The following ANGPT2 variants were observed in gnomAD, a reference collection of about 807,000 sequenced individuals.
ANGPT2 encodes angiopoietin-2.
A neutral mutation model predicts 62.9 loss-of-function variants in ANGPT2; 28 were observed. The ratio of observed to expected loss-of-function variants is 0.44; its 90% CI spans 0.33 to 0.61. ANGPT2 has a LOEUF of 0.61. ANGPT2 is among the 20% of genes least tolerant of loss of function. ANGPT2 has a pLI of 0.03. For synonymous variants in ANGPT2, 284 were observed against 207.8 expected, an observed-to-expected ratio of 1.37 and a Z score of -3.15; for missense variants, 727 against 594.9, an observed-to-expected ratio of 1.22 and a Z score of -2.31.
At chr8:6,516,996 A>T (rs1816386432) in intron 5 of ANGPT2, among the ~76,000 whole-genome samples, 1 of 152,230 alleles carries the variant, frequency 6.6e-6, no homozygotes, top group African/African-American at 2.4e-5. Context: ...TTAGTACTTC[A>T]TCCAGGTTTT....
At position 6,545,086 on chromosome 8, in the gene ANGPT2, G is replaced by C. The variant is rs1024544769; in HGVS notation, c.289-12599C>G. 3.3e-5 allele frequency among the ~76,000 whole-genome samples: 5 copies of C among 152,102 alleles called. No homozygotes were observed. In the East Asian group the frequency reaches 9.6e-4, roughly 29 times the overall value. On this transcript the variant is annotated intron_variant, in intron 1 of 8. Coordinates refer to ENST00000629816, the MANE Select transcript of ANGPT2 (RefSeq NM_001118887.2). ...TTGGGTCACAGAAGCCACACCCTAG[G>C]AGTGCTTACTAGATGATCCATTTCC... is the stretch of plus-strand genomic sequence containing the variant.
intron 3 of ANGPT2, among the ~76,000 whole-genome samples, chr8:6,525,795 A>C (rs961984824): frequency 2.6e-5 from 4 of 152,212 alleles, no homozygotes; most frequent in Non-Finnish European, 5.9e-5. Flanking sequence ...ATCTGTGACA[A>C]AAAAATACGA....
chr8:6,549,771 T>G (rs1427694246), intron 1 of ANGPT2, among the ~76,000 whole-genome samples: 1 of 152,118 alleles, frequency 6.6e-6, no homozygotes, highest in Non-Finnish European at 1.5e-5. Flanking sequence ...CAGCAAGTCC[T>G]CTATATCTTG....
chr8:6,555,834 T>C (rs1824516519), intron 1 of ANGPT2, among the ~76,000 whole-genome samples: 1 of 152,252 alleles, frequency 6.6e-6, no homozygotes, highest in South Asian at 2.1e-4. Flanking sequence ...CCAATTCTAT[T>C]ACAAGGTGGA....
intron 1 of ANGPT2, among the ~76,000 whole-genome samples, chr8:6,549,738 G>C (rs1014941275): frequency 6.6e-6 from 1 of 152,156 alleles, no homozygotes; most frequent in Non-Finnish European, 1.5e-5. Flanking sequence ...ATGAGGAGGG[G>C]CGTGAGGGAG....
chr8:6,526,257 TAAAAAAAAAAAAA>T (rs35519559), intron 3 of ANGPT2, among the ~76,000 whole-genome samples: 5 of 77,502 alleles, frequency 6.5e-5, no homozygotes, highest in African/African-American at 8.5e-5. Flanking sequence ...TTGCCTCTAC[TAAAAAAAAAAAAA>T]AAAAAAAAAA....
intron 1 of ANGPT2, among the ~76,000 whole-genome samples, chr8:6,537,696 A>G (rs1820763596): frequency 6.6e-6 from 1 of 152,134 alleles, no homozygotes; most frequent in Admixed American, 6.5e-5. Context: ...GATTGATTAC[A>G]CATTTAAAAG....
At chr8:6,554,462 C>G (rs899758925) in intron 1 of ANGPT2, among the ~76,000 whole-genome samples, 1 of 152,056 alleles carries the variant, frequency 6.6e-6, no homozygotes, top group African/African-American at 2.4e-5. Flanking sequence ...TAATCCATTT[C>G]CCAAGATTTC....
chr8:6,543,534 C>G (rs887217358), intron 1 of ANGPT2, among the ~76,000 whole-genome samples: 4 of 152,158 alleles, frequency 2.6e-5, no homozygotes, highest in Admixed American at 2.0e-4. Context: ...CGGAATAAAC[C>G]CGCCCAAACC....
chr8:6,502,942 A>C lies in ANGPT2; in HGVS notation c.*159T>G. On this transcript the variant is annotated 3_prime_UTR_variant, in exon 9 of 9. Coordinates refer to ENST00000629816, the MANE Select transcript of ANGPT2 (RefSeq NM_001118887.2). ...TTAAGTGATGCAAGTTTAAGTGATA[A>C]AGTTTACAGGCTCTAATCTGGAGCA... 1.3e-6 allele frequency: 1 copy of C among 775,776 alleles called. No individual in the cohort carries two copies. Among genetic ancestry groups the C allele is most frequent in the Non-Finnish European group, 2.0e-6 (1 of 491,132 alleles). The allele number at this position is 775,776 out of a possible 1,614,324, so 48.1% of individuals were successfully genotyped here.
At chr8:6,529,861 A>T (rs1819118408) in intron 2 of ANGPT2, among the ~76,000 whole-genome samples, 1 of 145,752 alleles carries the variant, frequency 6.9e-6, no homozygotes, top group African/African-American at 2.5e-5. Context: ...GGATAACATG[A>T]TATCTAGTTT....
chr8:6,560,355 C>G (rs921291), intron 1 of ANGPT2, among the ~76,000 whole-genome samples: 2 of 152,006 alleles, frequency 1.3e-5, no homozygotes, highest in African/African-American at 4.8e-5. Flanking sequence ...TGGCTTATCT[C>G]TCATTCCATT....
Position 6,532,400 on chromosome 8 carries a change from C to G in ANGPT2, c.376G>C (p.Glu126Gln), listed in dbSNP as rs200695891. 1.2e-6 allele frequency: 2 copies of G among 1,614,144 alleles called. No individual in the cohort carries two copies. The highest frequency in any genetic ancestry group is 1.1e-5 in the South Asian group (1 of 91,072). ...AVQNQTAVMI[E>Q]IGTNLLNQTA... ...TGGTTCAACAGGTTTGTCCCTATTT[C>G]TATCATCACAGCCGTCTGGTTCTGT... The change falls in exon 2 of 9, where the codon GAA becomes CAA. Residue 126 changes from glutamate to glutamine, a missense_variant. Coordinates refer to ENST00000629816, the MANE Select transcript of ANGPT2 (RefSeq NM_001118887.2).
At chr8:6,542,141 G>A (rs538894834) in intron 1 of ANGPT2, among the ~76,000 whole-genome samples, 16 of 152,206 alleles carry the variant, frequency 1.1e-4, no homozygotes, top group African/African-American at 2.9e-4. Flanking sequence ...AAACTAGAGC[G>A]TTCTTGCCTT....
At chr8:6,506,172 G>T (rs888623792) in intron 8 of ANGPT2, among the ~76,000 whole-genome samples, 2 of 151,700 alleles carry the variant, frequency 1.3e-5, no homozygotes, top group African/African-American at 4.8e-5. Context: ...AAGTTTGCGT[G>T]TTCTATTCAG....
chr8:6,562,810 C>T lies in ANGPT2; in HGVS notation c.125G>A (p.Ser42Asn). ...CATCTCTGGCAGGAGGAAAGTGTAG[C>T]TGCAGGACCCATGCTGGACCTGATA... ...KQYQVQHGSC[S>N]YTFLLPEMDN... The change falls in exon 1 of 9, where the codon AGC becomes AAC. Residue 42 changes from serine (S) to asparagine (N), a missense_variant. Coordinates refer to ENST00000629816, the MANE Select transcript of ANGPT2 (RefSeq NM_001118887.2). The T allele has an allele frequency of 1.2e-6, 2 of 1,613,548 alleles. No individual in the cohort carries two copies. Among genetic ancestry groups the T allele is most frequent in the Non-Finnish European group, 1.7e-6 (2 of 1,179,860 alleles).
chr8:6,523,107 C>T (rs1428479944), intron 3 of ANGPT2, among the ~76,000 whole-genome samples: 1 of 152,016 alleles, frequency 6.6e-6, no homozygotes, highest in Non-Finnish European at 1.5e-5. Context: ...AAGCTATTCT[C>T]CTGCCTCAGT....
intron 1 of ANGPT2, among the ~76,000 whole-genome samples, chr8:6,540,204 A>G (rs956350071): frequency 1.3e-5 from 2 of 152,152 alleles, no homozygotes; most frequent in Non-Finnish European, 2.9e-5. Context: ...ATATTTGAAT[A>G]TATGTTTTTC....
intron 4 of ANGPT2, 104 bp from the exon 5 acceptor site, chr8:6,520,095 C>G (rs760319549): frequency 4.2e-5 from 57 of 1,349,516 alleles, no homozygotes; most frequent in Non-Finnish European, 5.6e-5. Flanking sequence ...CTTTGGAATT[C>G]TTAAGTAAGC....
Sources: allele counts gnomAD v4.1 joint callset (sites outside exome capture counted in the v4.1 genomes callset), GRCh38; gene constraint gnomAD v4.1.1; transcripts MANE v1.5; gene names NCBI Gene and HGNC (gene_info 2026-07-23, HGNC 2026-07-21).